Variants in SHANK2 observed in about 807,000 individuals in gnomAD.
SHANK2 encodes the protein SH3 and multiple ankyrin repeat domains protein 2.
A neutral mutation model predicts 133.7 loss-of-function variants in SHANK2; 43 were observed. That is an observed-to-expected ratio of 0.32 (90% CI 0.25 to 0.41). The LOEUF (loss-of-function observed/expected upper bound fraction) is 0.41. SHANK2 is among the 10% of genes least tolerant of loss of function. The pLI, the probability that SHANK2 is intolerant of heterozygous loss-of-function variation, is 1.00. For missense variants in SHANK2, 1,994 were observed against 2,235.8 expected, an observed-to-expected ratio of 0.89 and a Z score of 2.18; for synonymous variants, 1,017 against 952.8, an observed-to-expected ratio of 1.07 and a Z score of -1.24.
chr11:71,123,576 G>A (rs1400649481), intron 3 of SHANK2, among the ~76,000 whole-genome samples: 1 of 152,156 alleles, frequency 6.6e-6, no homozygotes, highest in Non-Finnish European at 1.5e-5. Context: ...GACAGTTTCT[G>A]CCTTAAGTGA....
intron 11 of SHANK2, among the ~76,000 whole-genome samples, chr11:70,853,777 G>A (rs1555066330): frequency 6.6e-6 from 1 of 152,176 alleles, no homozygotes; most frequent in African/African-American, 2.4e-5. Flanking sequence ...GGCTGTGGCA[G>A]CACTTCCTCC....
chr11:70,887,260 T>C (rs1048989929), intron 11 of SHANK2, among the ~76,000 whole-genome samples: 3 of 140,422 alleles, frequency 2.1e-5, no homozygotes, highest in African/African-American at 7.4e-5. Context: ...GGCTAAACAC[T>C]GGACGACAAC....
intron 2 of SHANK2, among the ~76,000 whole-genome samples, chr11:71,212,773 G>A (rs12294700): frequency 0.028 from 4,195 of 152,266 alleles, 119 homozygotes; most frequent in East Asian, 0.07. Flanking sequence ...GCTTTAGGAC[G>A]TTCTTGCCAC....
intron 15 of SHANK2, among the ~76,000 whole-genome samples, chr11:70,674,137 T>G (rs1388414673): frequency 6.6e-6 from 1 of 152,214 alleles, no homozygotes; most frequent in Non-Finnish European, 1.5e-5. Flanking sequence ...TCTTGCCATG[T>G]GATGCCAGCT....
chr11:70,635,741 T>C (rs1182862592), intron 17 of SHANK2, among the ~76,000 whole-genome samples: 6 of 149,548 alleles, frequency 4.0e-5, no homozygotes, highest in Non-Finnish European at 8.9e-5. Context: ...TTAAACATAA[T>C]ACAAAGTATA....
At chr11:70,650,452 A>G (rs2061326537) in intron 17 of SHANK2, among the ~76,000 whole-genome samples, 1 of 152,204 alleles carries the variant, frequency 6.6e-6, no homozygotes, top group Non-Finnish European at 1.5e-5. Flanking sequence ...AGCACCCTGC[A>G]GAGAGCCAGT....
chr11:70,894,755 C>A (rs1158265383), intron 11 of SHANK2, among the ~76,000 whole-genome samples: 1 of 152,162 alleles, frequency 6.6e-6, no homozygotes, highest in African/African-American at 2.4e-5. Flanking sequence ...GGGGGCTCTG[C>A]CTCCAGGGGT....
intron 11 of SHANK2, chr11:70,896,276 A>C (rs1949933321): frequency 4.4e-6 from 2 of 452,256 alleles, no homozygotes. Context: ...CTAGAGAGGC[A>C]TGTTTCAGAC....
Position 70,569,824 on chromosome 11 carries a change from C to T in SHANK2, c.2062-66893G>A, listed in dbSNP as rs1381315464. On this transcript the variant is annotated intron_variant, in intron 17 of 25. Coordinates refer to ENST00000601538, the MANE Select transcript of SHANK2 (RefSeq NM_012309.5). The surrounding 1 kb of genome is among the most constrained non-coding windows in gnomAD (Gnocchi z 5.1). Reference sequence around the variant, plus strand: ...TGAGCACGGAGGGGGTTCCTCAGCCCGGGAAAAGGCTGAGGCCGGCACAAA... The same window carrying T: ...TGAGCACGGAGGGGGTTCCTCAGCCTGGGAAAAGGCTGAGGCCGGCACAAA... Among the ~76,000 whole-genome samples the T allele has an allele frequency of 1.3e-5, 2 of 151,940 alleles. No homozygotes were observed. The highest frequency in any genetic ancestry group is 2.9e-5 in the Non-Finnish European group (2 of 67,984).
At chr11:70,680,769 G>A (rs782044816) in intron 15 of SHANK2, among the ~76,000 whole-genome samples, 4 of 152,308 alleles carry the variant, frequency 2.6e-5, no homozygotes, top group Non-Finnish European at 4.4e-5. Flanking sequence ...AGGTGGATGA[G>A]GCTTTAATAT....
intron 2 of SHANK2, among the ~76,000 whole-genome samples, chr11:71,171,628 G>T (rs1371786981): frequency 6.6e-6 from 1 of 152,038 alleles, no homozygotes; most frequent in Non-Finnish European, 1.5e-5. Flanking sequence ...CCAGCATATT[G>T]GATGGGCCCA....
intron 9 of SHANK2, among the ~76,000 whole-genome samples, chr11:71,056,869 GAAGAA>G (rs1269578578): frequency 3.0e-5 from 4 of 132,970 alleles, no homozygotes; most frequent in African/African-American, 1.2e-4. Flanking sequence ...GAAAAGAAAA[GAAGAA>G]AAGAAAAGAA....
chr11:70,895,986 C>T (rs1555075626), intron 11 of SHANK2, among the ~76,000 whole-genome samples: 1 of 152,084 alleles, frequency 6.6e-6, no homozygotes, highest in Admixed American at 6.5e-5. Context: ...TTTGTTACAA[C>T]TGAGAGCCTA....
At chr11:70,531,123 A>T (rs1197135412) in intron 17 of SHANK2, among the ~76,000 whole-genome samples, 4 of 134,448 alleles carry the variant, frequency 3.0e-5, no homozygotes, top group Non-Finnish European at 6.1e-5. Context: ...GCACCACTGT[A>T]CCCCAGCCTG....
At chr11:70,710,684 A>G (rs1945764010) in intron 14 of SHANK2, among the ~76,000 whole-genome samples, 1 of 152,096 alleles carries the variant, frequency 6.6e-6, no homozygotes, top group Non-Finnish European at 1.5e-5. Context: ...AGTCCCATAG[A>G]CTCAGGGAGC....
chr11:71,204,765 G>A (rs1954093985), intron 2 of SHANK2, among the ~76,000 whole-genome samples: 1 of 152,162 alleles, frequency 6.6e-6, no homozygotes, highest in Non-Finnish European at 1.5e-5. Context: ...GCTAAGTGAT[G>A]AGGGCCACCC....
intron 9 of SHANK2, among the ~76,000 whole-genome samples, chr11:71,071,074 C>CA (rs1418644853): frequency 0.013 from 1,916 of 152,258 alleles, 43 homozygotes; most frequent in African/African-American, 0.044. Context: ...TTTCAAGTGA[C>CA]AAAAAACAGA....
chr11:70,943,851 C>A (rs76952335), intron 10 of SHANK2: 2 of 449,324 alleles, frequency 4.5e-6, no homozygotes, highest in Non-Finnish European at 9.0e-6. Context: ...CCACATCCCA[C>A]GCCACAGTGC....
chr11:70,865,850 T>C (rs781828693), intron 11 of SHANK2, among the ~76,000 whole-genome samples: 2 of 152,180 alleles, frequency 1.3e-5, no homozygotes. Flanking sequence ...GCACCTGCCT[T>C]GTGCTAGGTA....
Sources: gnomAD v4.1 joint callset for allele counts (sites outside exome capture counted in the v4.1 genomes callset) on GRCh38, gnomAD v4.1.1 for gene constraint, Gnocchi (gnomAD v3.1) non-coding constraint, MANE v1.5 for transcripts, NCBI Gene and HGNC (gene_info 2026-07-23, HGNC 2026-07-21) for gene names.